DCP2: variants seen among roughly 807,000 people sequenced by gnomAD.
DCP2 encodes decapping mRNA 2, also known as m7GpppN-mRNA hydrolase.
DCP2 carries 30 observed loss-of-function variants against 56.1 expected under a neutral mutation model. The observed-to-expected ratio is 0.53, with a 90% CI of 0.40 to 0.73. DCP2 has a LOEUF of 0.73. DCP2 is among the 30% of genes least tolerant of loss of function. The probability of loss-of-function intolerance (pLI) is 0.00; values close to 1 mark genes in which losing one functional copy is unlikely to be tolerated. For synonymous variants in DCP2, 197 were observed against 163.3 expected (o/e 1.21, Z -1.57); for missense variants, 533 against 502.7 (o/e 1.06, Z -0.58).
intron 4 of DCP2, among the ~76,000 whole-genome samples, chr5:112,996,012 A>T (rs1748830820): frequency 6.6e-6 from 1 of 152,178 alleles, no homozygotes; most frequent in African/African-American, 2.4e-5. Flanking sequence ...GCCCTGTCAG[A>T]TTAGGGCCCT....
At position 113,013,367 on chromosome 5, in the gene DCP2, A is replaced by C. The variant is rs139117940; in HGVS notation, c.1146A>C (p.Glu382Asp). The change falls in exon 11 of 11, where the codon GAA becomes GAC. Residue 382 changes from glutamate (E) to aspartate (D), a missense_variant. By Grantham distance (45) the Glu-to-Asp change is conservative. Around this residue, in one of 3 missense-constraint regions of DCP2, gnomAD observed 392 missense variants for 346.6 expected, o/e 1.13. Coordinates refer to ENST00000389063, the MANE Select transcript of DCP2 (RefSeq NM_152624.6). ...GCTCCAGTGAAGACCAGTTGCTAGA[A>C]CATGCTGAGGGACAGCCCGTGGCAT... ...LPSSSEDQLLEHAEGQPVACN... is the reference protein window; with the variant it reads ...LPSSSEDQLLDHAEGQPVACN... 157 of 1,614,050 alleles carry C rather than the reference A, an allele frequency of 9.7e-5. No homozygotes were observed. The highest frequency in any genetic ancestry group is 1.2e-4 in the Non-Finnish European group (144 of 1,180,006).
At chr5:112,977,405 C>T (rs1187571812) in intron 1 of DCP2, among the ~76,000 whole-genome samples, 1 of 152,110 alleles carries the variant, frequency 6.6e-6, no homozygotes, top group Admixed American at 6.6e-5. Flanking sequence ...AAGGAAGACC[C>T]CCAGGGTAGT....
chr5:112,986,930 G>T (rs547084687), intron 2 of DCP2, among the ~76,000 whole-genome samples: 2 of 152,308 alleles, frequency 1.3e-5, no homozygotes, highest in South Asian at 2.1e-4. Flanking sequence ...TTGAGCCTGG[G>T]AGGTGCAGGT....
Position 113,022,061 on chromosome 5 carries a change from A to G in DCP2, c.*8577A>G, listed in dbSNP as rs1750171449. On this transcript the variant is annotated 3_prime_UTR_variant, in exon 11 of 11. Coordinates refer to ENST00000389063, the MANE Select transcript of DCP2 (RefSeq NM_152624.6). ...GCCTGCATGTATATCACAGTTCTAC[A>G]GAAGGATAGCCTTACCCTTTAAATA... 6.6e-6 allele frequency: 1 copy of G among 152,390 alleles called. No individual in the cohort carries two copies. Among genetic ancestry groups the G allele is most frequent in the African/African-American group, 2.4e-5 (1 of 41,582 alleles). The allele number at this position is 152,390 out of a possible 1,614,324, so 9.4% of individuals were successfully genotyped here. A position where few individuals can be genotyped will look rare whatever the true frequency, so the allele number is the denominator to read the frequency against.
chr5:113,012,864 G>A (rs190065880), intron 10 of DCP2, among the ~76,000 whole-genome samples: 11 of 151,850 alleles, frequency 7.2e-5, no homozygotes, highest in South Asian at 2.1e-4. Context: ...GGCTGGTCTC[G>A]AACTCCTGAC....
At chr5:112,986,811 G>A (rs1442735783) in intron 2 of DCP2, among the ~76,000 whole-genome samples, 1 of 152,068 alleles carries the variant, frequency 6.6e-6, no homozygotes, top group Non-Finnish European at 1.5e-5. Context: ...ACCGGCCTGG[G>A]CATCATGGCG....
In DCP2 at chr5:113,005,151, G is replaced by GGTGTGTGTGTGTGTGTGTGTGT. The variant is rs56389236; in HGVS notation, c.942+1092_942+1093insGTGTGTGTGTGTGTGTGTGTGT. 1.2e-3 allele frequency among the ~76,000 whole-genome samples: 177 copies of GGTGTGTGTGTGTGTGTGTGTGT among 149,522 alleles called. 1 individual carries two copies. Among genetic ancestry groups the GGTGTGTGTGTGTGTGTGTGTGT allele is most frequent in the African/African-American group, 1.6e-3 (65 of 40,450 alleles). On this transcript the variant is annotated intron_variant, in intron 8 of 10. Coordinates refer to ENST00000389063, the MANE Select transcript of DCP2 (RefSeq NM_152624.6). ...TCTCAAAAAAAAAAGTGTGCGTGTG[G>GGTGTGTGTGTGTGTGTGTGTGT]GTGTGTGTGTGTGTGTGTAAACTGG... is the stretch of plus-strand genomic sequence containing the variant.
At chr5:112,982,234 G>T (rs765556380) in intron 1 of DCP2, among the ~76,000 whole-genome samples, 1 of 151,990 alleles carries the variant, frequency 6.6e-6, no homozygotes, top group African/African-American at 2.4e-5. Flanking sequence ...CTTCTCATCC[G>T]CTTCCTTATC....
chr5:113,007,218 C>T (rs1168981457), intron 8 of DCP2, among the ~76,000 whole-genome samples: 1 of 151,944 alleles, frequency 6.6e-6, no homozygotes, highest in Non-Finnish European at 1.5e-5. Context: ...TAATTTAAAG[C>T]AGATTTCTAG....
At chr5:112,998,158 T>C (rs953431832) in intron 4 of DCP2, among the ~76,000 whole-genome samples, 4 of 152,252 alleles carry the variant, frequency 2.6e-5, no homozygotes, top group Admixed American at 6.5e-5. Context: ...CAAATCTGTT[T>C]TATCACTTTT....
At chr5:113,000,954 C>G (rs999244688) in intron 4 of DCP2, 130 bp from the exon 5 acceptor site, 2 of 934,482 alleles carry the variant, frequency 2.1e-6, no homozygotes, top group Non-Finnish European at 3.1e-6. Context: ...CTGTACCAGC[C>G]TGTCATTTCT....
Position 113,021,651 on chromosome 5 carries a change from T to C in DCP2, c.*8167T>C, listed in dbSNP as rs2150200236. ...GAGACCTCAGCTATATGATAGTAAC[T>C]TTTATTTTAAATTCTCAAAAGGAGA... On this transcript the variant is annotated 3_prime_UTR_variant, in exon 11 of 11. Coordinates refer to ENST00000389063, the MANE Select transcript of DCP2 (RefSeq NM_152624.6). 6.6e-6 allele frequency among the ~76,000 whole-genome samples: 1 copy of C among 152,252 alleles called. No individual in the cohort carries two copies. Among genetic ancestry groups the C allele is most frequent in the African/African-American group, 2.4e-5 (1 of 41,550 alleles).
intron 1 of DCP2, among the ~76,000 whole-genome samples, chr5:112,982,643 T>C (rs1412420625): frequency 6.6e-6 from 1 of 152,062 alleles, no homozygotes; most frequent in Non-Finnish European, 1.5e-5. Context: ...TTGGTTATAG[T>C]AATAATAGTT....
chr5:113,015,460 G>A lies in DCP2; in HGVS notation c.*1976G>A, dbSNP rs1181317238. 2.0e-5 allele frequency: 3 copies of A among 152,332 alleles called. No individual in the cohort carries two copies. The highest frequency in any genetic ancestry group is 4.4e-5 in the Non-Finnish European group (3 of 67,990). 9.4% of individuals were successfully genotyped at this position (152,332 alleles called of 1,614,324 possible). Reference sequence around the variant, plus strand: ...CAATACTGAAGCAAAAGAGATTATAGTTACCAGAAGTATGGCCTCTAATGG... The same window carrying A: ...CAATACTGAAGCAAAAGAGATTATAATTACCAGAAGTATGGCCTCTAATGG... On this transcript the variant is annotated 3_prime_UTR_variant, in exon 11 of 11. Transcript: ENST00000389063.
intron 4 of DCP2, 81 bp from the exon 5 acceptor site, chr5:113,001,003 T>G (rs1749152264): frequency 7.4e-7 from 1 of 1,353,694 alleles, no homozygotes; most frequent in Non-Finnish European, 1.0e-6. Flanking sequence ...TTTTTCTGAG[T>G]TTTTGTCTTG....
chr5:112,996,720 T>G (rs921443509), intron 4 of DCP2, among the ~76,000 whole-genome samples: 26 of 152,174 alleles, frequency 1.7e-4, no homozygotes, highest in Non-Finnish European at 2.9e-4. Flanking sequence ...ACCTTTTTTT[T>G]GGGGGCAATC....
intron 1 of DCP2, among the ~76,000 whole-genome samples, chr5:112,983,094 G>GGTCTTA (rs1416369162): frequency 6.6e-6 from 1 of 152,202 alleles, no homozygotes; most frequent in Non-Finnish European, 1.5e-5. Context: ...CCATCACACA[G>GGTCTTA]ACTGCCATGC....
intron 8 of DCP2, among the ~76,000 whole-genome samples, chr5:113,007,699 G>A (rs934209160): frequency 1.3e-5 from 2 of 152,116 alleles, no homozygotes; most frequent in Non-Finnish European, 2.9e-5. Context: ...GCCCGGCCGA[G>A]GTGTGGAAAG....
chr5:112,993,566 C>T (rs1021330339), intron 4 of DCP2, among the ~76,000 whole-genome samples: 1 of 141,454 alleles, frequency 7.1e-6, no homozygotes, highest in Non-Finnish European at 1.5e-5. Flanking sequence ...GCAGAGGTTG[C>T]GGTGAGCCGA....
Sources: allele counts gnomAD v4.1 joint callset (sites outside exome capture counted in the v4.1 genomes callset), GRCh38; gene constraint gnomAD v4.1.1; regional missense constraint gnomAD v4.1.1; transcripts MANE v1.5; gene names NCBI Gene and HGNC (gene_info 2026-07-23, HGNC 2026-07-21).